ITGA9: variants seen among roughly 807,000 people sequenced by gnomAD.
ITGA9 encodes the protein integrin alpha-9.
A neutral mutation model predicts 127.8 loss-of-function variants in ITGA9; 56 were observed. That is an observed-to-expected ratio of 0.44 (90% confidence interval 0.35 to 0.55). The LOEUF (loss-of-function observed/expected upper bound fraction) is 0.55. ITGA9 is among the 20% of genes least tolerant of loss of function. The pLI is 0.00. For missense variants in ITGA9, 1,196 were observed against 1,347.1 expected, an observed-to-expected ratio of 0.89 and a Z score of 1.76; for synonymous variants, 508 against 514.5, an observed-to-expected ratio of 0.99 and a Z score of 0.17.
At chr3:37,522,137 C>A (rs141126282) in intron 11 of ITGA9, among the ~76,000 whole-genome samples, 1 of 151,994 alleles carries the variant, frequency 6.6e-6, no homozygotes. Flanking sequence ...TCAAAGTGAG[C>A]CCCTAGATAG....
chr3:37,740,668 C>T (rs756559905), intron 20 of ITGA9, among the ~76,000 whole-genome samples: 1 of 152,170 alleles, frequency 6.6e-6, no homozygotes, highest in Non-Finnish European at 1.5e-5. Context: ...GGTGCTCCAT[C>T]TCCCTCTGGG....
chr3:37,573,820 A>T (rs930244178), intron 15 of ITGA9, among the ~76,000 whole-genome samples: 4 of 152,190 alleles, frequency 2.6e-5, no homozygotes, highest in Admixed American at 2.0e-4. Context: ...CACTGTGGAC[A>T]CAGTGGCAGC....
At chr3:37,573,280 T>G (rs898530235) in intron 15 of ITGA9, 2 of 152,230 alleles carry the variant, frequency 1.3e-5, no homozygotes, top group African/African-American at 4.8e-5. Context: ...TTTAAACCCC[T>G]GGCTGGTTTT....
intron 15 of ITGA9, among the ~76,000 whole-genome samples, chr3:37,610,263 C>T (rs1289562699): frequency 6.6e-6 from 1 of 152,000 alleles, no homozygotes; most frequent in Non-Finnish European, 1.5e-5. Flanking sequence ...TTGTATTTAC[C>T]CCAGAGGAAG....
At position 37,595,941 on chromosome 3, in the gene ITGA9, A is replaced by G. The variant is rs543666031; in HGVS notation, c.1690-33246A>G. On this transcript the variant is annotated intron_variant, in intron 15 of 27. Transcript: ENST00000264741. ...TCAAACCGCTGCTTCCTGGTTGGAA[A>G]TGGTTTCTTCATTGATTCATCAGGT... Among the ~76,000 whole-genome samples, 7 of 152,296 alleles carry G rather than the reference A, an allele frequency of 4.6e-5. No individual in the cohort carries two copies. The East Asian group carries it at 1.4e-3, about 29-fold the overall frequency.
chr3:37,506,725 A>G (rs62239511), intron 7 of ITGA9, among the ~76,000 whole-genome samples: 2,623 of 152,298 alleles, frequency 0.017, 34 homozygotes, highest in Non-Finnish European at 0.028. Context: ...GTTCTTTATC[A>G]TGAAGGTACA....
At chr3:37,585,691 G>C (rs144992406) in intron 15 of ITGA9, 1 of 506,244 alleles carries the variant, frequency 2.0e-6, no homozygotes, top group South Asian at 1.4e-5. Flanking sequence ...CAGGTGAAAC[G>C]TAACAATAGT....
At chr3:37,681,078 C>G (rs1030907437) in intron 17 of ITGA9, among the ~76,000 whole-genome samples, 2 of 152,110 alleles carry the variant, frequency 1.3e-5, no homozygotes, top group Admixed American at 6.5e-5. Context: ...AATGAGGATT[C>G]CACCCCCCCA....
chr3:37,481,309 T>C (rs1171723463), intron 3 of ITGA9, among the ~76,000 whole-genome samples, 175 bp from the exon 4 acceptor site: 6 of 152,216 alleles, frequency 3.9e-5, no homozygotes, highest in Admixed American at 6.5e-5. Context: ...AGTGGCTTGT[T>C]CCTGTTCATG....
At chr3:37,515,665 G>A (rs956956515) in intron 9 of ITGA9, among the ~76,000 whole-genome samples, 14 of 152,214 alleles carry the variant, frequency 9.2e-5, no homozygotes, top group African/African-American at 1.7e-4. Context: ...GAGCCCAGGA[G>A]GTGGAGGCTG....
chr3:37,630,553 G>T (rs7610631), intron 16 of ITGA9, among the ~76,000 whole-genome samples: 235 of 152,228 alleles, frequency 1.5e-3, no homozygotes, highest in African/African-American at 5.2e-3. Flanking sequence ...GACTGGCTGT[G>T]GGGGGGAAGG....
chr3:37,763,849 T>C (rs1696749271), intron 23 of ITGA9, among the ~76,000 whole-genome samples: 2 of 152,214 alleles, frequency 1.3e-5, no homozygotes, highest in African/African-American at 4.8e-5. Context: ...CCCTCAATTT[T>C]TTTTGTGGAA....
chr3:37,803,863 A>C lies in ITGA9; in HGVS notation c.2930A>C (p.Tyr977Ser). 6.2e-7 allele frequency: 1 copy of C among 1,614,132 alleles called. No homozygotes were observed. The highest frequency in any genetic ancestry group is 8.5e-7 in the Non-Finnish European group (1 of 1,180,014). The change falls in exon 27 of 28, where the codon TAC becomes TCC. Residue 977 changes from tyrosine (Y) to serine (S), a missense_variant. By Grantham distance (144) the Tyr-to-Ser change is moderately radical. Coordinates refer to ENST00000264741, the MANE Select transcript of ITGA9 (RefSeq NM_002207.3). The part of the protein sequence containing the change: ...EALHNLEPRG[Y>S]VVGWIIAISL... Reference sequence around the variant, plus strand: ...CTGCACAATCTGGAGCCCCGTGGCTACGTCGTGGGGTGGATCATCGCCATC... The same window carrying C: ...CTGCACAATCTGGAGCCCCGTGGCTCCGTCGTGGGGTGGATCATCGCCATC...
chr3:37,698,058 T>C (rs1262634854), intron 18 of ITGA9, among the ~76,000 whole-genome samples: 2 of 152,218 alleles, frequency 1.3e-5, no homozygotes, highest in South Asian at 2.1e-4. Context: ...CTTATTGTGG[T>C]TTTGATTTGC....
chr3:37,810,774 GC>G (rs1057135697), intron 27 of ITGA9, among the ~76,000 whole-genome samples: 29 of 152,202 alleles, frequency 1.9e-4, no homozygotes, highest in African/African-American at 6.5e-4. Flanking sequence ...CTTCAGCAAA[GC>G]CCTGAAGGTG....
chr3:37,634,080 A>C (rs1284804843), intron 16 of ITGA9, among the ~76,000 whole-genome samples: 1 of 152,160 alleles, frequency 6.6e-6, no homozygotes, highest in East Asian at 1.9e-4. Context: ...ACAAGGCAAA[A>C]ACCTATAGTA....
At chr3:37,536,453 C>G (rs1390192839) in intron 14 of ITGA9, among the ~76,000 whole-genome samples, 1 of 152,246 alleles carries the variant, frequency 6.6e-6, no homozygotes, top group African/African-American at 2.4e-5. Context: ...GAAGTGGTAT[C>G]TTCTGTGGTA....
intron 1 of ITGA9, among the ~76,000 whole-genome samples, chr3:37,462,375 T>C (rs1177887101): frequency 1.3e-5 from 2 of 152,222 alleles, no homozygotes; most frequent in African/African-American, 4.8e-5. Flanking sequence ...CTCCCTCCAT[T>C]TACTGTAACC....
chr3:37,616,877 C>T (rs1199947008), intron 15 of ITGA9, among the ~76,000 whole-genome samples: 2 of 152,176 alleles, frequency 1.3e-5, no homozygotes, highest in African/African-American at 2.4e-5. Context: ...TGAGATGGGT[C>T]TGCTGAATAC....
Sources: gnomAD v4.1 joint callset for allele counts (sites outside exome capture counted in the v4.1 genomes callset) on GRCh38, gnomAD v4.1.1 for gene constraint, MANE v1.5 for transcripts, NCBI Gene and HGNC (gene_info 2026-07-23, HGNC 2026-07-21) for gene names.